Variants in CLCN1 observed in about 807,000 individuals in gnomAD.
The protein encoded by CLCN1 is chloride channel protein 1.
A neutral mutation model predicts 114.5 loss-of-function variants in CLCN1; 100 were observed. That is an observed-to-expected ratio of 0.87 (90% CI 0.74 to 1.03). CLCN1 has a LOEUF of 1.03. Ranked by LOEUF, CLCN1 falls within the 50% of genes least tolerant of loss-of-function variation. The probability of loss-of-function intolerance (pLI) is 0.00; values close to 1 mark genes in which losing one functional copy is unlikely to be tolerated. For synonymous variants in CLCN1, 485 were observed against 487.1 expected (o/e 1.00, Z 0.06); for missense variants, 1,188 against 1,250.0 (o/e 0.95, Z 0.75).
At chr7:143,346,402 A>G (rs1256226566) in intron 18 of CLCN1, 151 bp downstream of exon 18, 29 of 751,794 alleles carry the variant, frequency 3.9e-5, no homozygotes, top group Middle Eastern at 6.9e-4. Flanking sequence ...TTATTCATCA[A>G]TTCTCCTTGT....
chr7:143,342,595 T>A, intron 16 of CLCN1, 90 bp downstream of exon 16: 2 of 1,331,378 alleles, frequency 1.5e-6, no homozygotes, highest in Non-Finnish European at 2.1e-6. Flanking sequence ...GGGGGCTTTG[T>A]CTTTAGGGGC....
chr7:143,343,154 G>A (rs1803134951), intron 16 of CLCN1, among the ~76,000 whole-genome samples: 1 of 152,088 alleles, frequency 6.6e-6, no homozygotes, highest in African/African-American at 2.4e-5. Flanking sequence ...CAGATATTGT[G>A]GATTAATTAA....
At position 143,323,351 on chromosome 7, in the gene CLCN1, A is replaced by G; in HGVS notation, c.739A>G (p.Ser247Gly). Residue 247 changes from serine to glycine, a missense_variant, in exon 6 of 23, where the codon AGC (serine) becomes GGC (glycine). Transcript: ENST00000343257. Reference sequence around the variant, plus strand: ...TGCCAGCATCTGTGCTGCTGTCCTCAGCAAATTCATGTCTGTGTTCTGCGG... The same window carrying G: ...TGCCAGCATCTGTGCTGCTGTCCTCGGCAAATTCATGTCTGTGTTCTGCGG... ...HIASICAAVL[S>G]KFMSVFCGVY... 1 of 1,613,462 alleles carries G rather than the reference A, an allele frequency of 6.2e-7. No homozygotes were observed. Among genetic ancestry groups the G allele is most frequent in the African/African-American group, 1.3e-5 (1 of 74,838 alleles).
rs896506902 is a variant in CLCN1, at chr7:143,320,807, C to A, written c.433+12C>A. 6.8e-6 allele frequency: 11 copies of A among 1,613,824 alleles called. No homozygotes were observed. The African/African-American group carries it at 1.5e-4, about 22-fold the overall frequency. On this transcript the variant is annotated intron_variant, in intron 3 of 22. Transcript: ENST00000343257. ...CAAAAGCCTTCAGGGTAGGTTTAAC[C>A]TGGACCTTTGCCCACAGCCGTTTCT...
intron 1 of CLCN1, 72 bp from the exon 2 acceptor site, chr7:143,319,683 G>A: frequency 6.6e-7 from 1 of 1,509,782 alleles, no homozygotes; most frequent in Admixed American, 1.7e-5. Flanking sequence ...CTGTGAGTCT[G>A]TCTGCTGGCC....
rs781286294 is a variant in CLCN1, at chr7:143,323,293, G to A, written c.697-16G>A. On this transcript the variant is annotated splice_polypyrimidine_tract_variant and intron_variant, in intron 5 of 22. Coordinates refer to ENST00000343257, the MANE Select transcript of CLCN1 (RefSeq NM_000083.3). ...TCTGGCCTCTGACCCCCGCCCCCTC[G>A]CTCCCCCTCTCCCAGGGCCCCTTCG... 1.4e-5 allele frequency: 21 copies of A among 1,550,042 alleles called. No homozygotes were observed. Among genetic ancestry groups the A allele is most frequent in the South Asian group, 3.3e-5 (3 of 89,788 alleles).
In CLCN1 at chr7:143,320,805, A is replaced by C; in HGVS notation, c.433+10A>C. On this transcript the variant is annotated intron_variant, in intron 3 of 22. Coordinates refer to ENST00000343257, the MANE Select transcript of CLCN1 (RefSeq NM_000083.3). The stretch of plus-strand genomic sequence containing the variant: ...GCCAAAAGCCTTCAGGGTAGGTTTA[A>C]CCTGGACCTTTGCCCACAGCCGTTT... 1 of 1,613,860 alleles carries C rather than the reference A, an allele frequency of 6.2e-7. No homozygotes were observed. The highest frequency in any genetic ancestry group is 8.5e-7 in the Non-Finnish European group (1 of 1,179,914).
chr7:143,325,561 A>G lies in CLCN1; in HGVS notation c.853+1069A>G, dbSNP rs549471056. On this transcript the variant is annotated intron_variant, in intron 7 of 22. Transcript: ENST00000343257. Reference sequence around the variant, plus strand: ...AATCACTAATCCTTGTCAGTGGAGGATAGTGTATTTGGATTTTTGCACATG... The same window carrying G: ...AATCACTAATCCTTGTCAGTGGAGGGTAGTGTATTTGGATTTTTGCACATG... Among the ~76,000 whole-genome samples, 30 of 152,306 alleles carry G rather than the reference A, an allele frequency of 2.0e-4. 1 individual carries two copies. In the South Asian group the frequency reaches 6.2e-3, roughly 32 times the overall value.
At position 143,339,554 on chromosome 7, in the gene CLCN1, C is replaced by T. The variant is rs1285977938; in HGVS notation, c.1515C>T (p.Leu505=). The T allele has an allele frequency of 1.9e-6, 3 of 1,614,044 alleles. No individual in the cohort carries two copies. Among genetic ancestry groups the T allele is most frequent in the Non-Finnish European group, 2.5e-6 (3 of 1,179,926 alleles). ...TGGTAGGAGAAATCATGGCCATGCTCTTTCCTGATGGTATTTTGTTTGATG... is the reference window on the plus strand; with the variant it reads ...TGGTAGGAGAAATCATGGCCATGCTTTTTCCTGATGGTATTTTGTTTGATG... The part of the protein sequence containing the change: ...GRLVGEIMAM[L]FPDGILFDDI... The change falls in exon 14 of 23, where the codon CTC becomes CTT. Residue 505 remains leucine, a synonymous_variant. Coordinates refer to ENST00000343257, the MANE Select transcript of CLCN1 (RefSeq NM_000083.3). The surrounding 1 kb of genome is among the most constrained non-coding windows in gnomAD (Gnocchi z 4.1).
intron 14 of CLCN1, among the ~76,000 whole-genome samples, chr7:143,340,435 A>G (rs1002779073): frequency 2.0e-5 from 3 of 152,278 alleles, no homozygotes; most frequent in African/African-American, 7.2e-5. Flanking sequence ...GCAATATCCA[A>G]TAGTGTCATT....
intron 7 of CLCN1, among the ~76,000 whole-genome samples, chr7:143,326,442 C>T (rs1802577767): frequency 6.6e-6 from 1 of 152,076 alleles, no homozygotes; most frequent in African/African-American, 2.4e-5. Flanking sequence ...TGTACCAGGC[C>T]CTGTGTTGGA....
chr7:143,320,551 TTTTCTCTCTC>T, intron 2 of CLCN1, 103 bp from the exon 3 acceptor site: 1 of 864,932 alleles, frequency 1.2e-6, no homozygotes, highest in Non-Finnish European at 1.8e-6. Flanking sequence ...CGTTAGCTGC[TTTTCTCTCTC>T]TCTCTCTCTC....
chr7:143,323,678 C>G lies in CLCN1; in HGVS notation c.774+292C>G, dbSNP rs757703101. ...CTCTCCCTGCTAGTCCATACCACCC[C>G]CTCTGTGTTAGTTTCCCTCCACGTT... On this transcript the variant is annotated intron_variant, in intron 6 of 22. Coordinates refer to ENST00000343257, the MANE Select transcript of CLCN1 (RefSeq NM_000083.3). 1.4e-4 allele frequency: 84 copies of G among 588,510 alleles called. 1 individual carries two copies. Among genetic ancestry groups the G allele is most frequent in the South Asian group, 6.4e-4 (42 of 65,630 alleles). The allele number at this position is 588,510 out of a possible 1,614,324, so 36.5% of individuals were successfully genotyped here.
chr7:143,331,192 A>G (rs765034718), intron 8 of CLCN1, 40 bp from the exon 9 acceptor site: 3 of 1,431,678 alleles, frequency 2.1e-6, no homozygotes, highest in East Asian at 4.6e-5. Flanking sequence ...TTGGGTTTCT[A>G]CGAAGCTCCC....
At chr7:143,329,450 C>A (rs1802664188) in intron 7 of CLCN1, among the ~76,000 whole-genome samples, 1 of 152,154 alleles carries the variant, frequency 6.6e-6, no homozygotes, top group Non-Finnish European at 1.5e-5. Context: ...CACTGGAAAT[C>A]CTCTGCCAAA....
In CLCN1 at chr7:143,351,926, A is replaced by T. The variant is rs1803424165; in HGVS notation, c.2928A>T (p.Arg976=). Residue 976 remains arginine, a synonymous_variant, in exon 23 of 23, where the codon CGA becomes CGT. Transcript: ENST00000343257. The stretch of plus-strand genomic sequence containing the variant: ...ACATCTTGCAGGGCCCCAGCCTGCG[A>T]TCCACAGACGAGGAGGATGAGGATG... ...LADILQGPSL[R]STDEEDEDEL... 1.2e-6 allele frequency: 2 copies of T among 1,613,466 alleles called. No individual in the cohort carries two copies. The highest frequency in any genetic ancestry group is 1.7e-6 in the Non-Finnish European group (2 of 1,180,026).
intron 20 of CLCN1, 131 bp downstream of exon 20, chr7:143,347,080 T>C: frequency 3.6e-6 from 3 of 843,900 alleles, no homozygotes; most frequent in African/African-American, 1.7e-5. Context: ...TTTGAGAGGA[T>C]GGAAATAAGG....
rs1269217831 is a variant in CLCN1 at position 143,345,699 on chromosome 7, C to T, written c.2109C>T (p.Gly703=). ...AGGGGCTCCCCGGCGCGCCTCCAGGCCGGCCCGAGTCCTTCGCCTTTGTGG... is the reference window on the plus strand; with the variant it reads ...AGGGGCTCCCCGGCGCGCCTCCAGGTCGGCCCGAGTCCTTCGCCTTTGTGG... ...AGEGLPGAPP[G]RPESFAFVDE... Residue 703 remains glycine, a synonymous_variant, in exon 17 of 23, where the codon GGC becomes GGT. Transcript: ENST00000343257. The T allele has an allele frequency of 6.4e-7, 1 of 1,560,234 alleles. No individual in the cohort carries two copies. Among genetic ancestry groups the T allele is most frequent in the East Asian group, 2.4e-5 (1 of 41,566 alleles).
At chr7:143,326,390 A>T (rs1802576099) in intron 7 of CLCN1, among the ~76,000 whole-genome samples, 1 of 152,232 alleles carries the variant, frequency 6.6e-6, no homozygotes. Flanking sequence ...AATAAATGGA[A>T]TTCAGCATTC....
Sources: gnomAD v4.1 joint callset for allele counts (sites outside exome capture counted in the v4.1 genomes callset) on GRCh38, gnomAD v4.1.1 for gene constraint, Gnocchi (gnomAD v3.1) non-coding constraint, MANE v1.5 for transcripts, NCBI Gene and HGNC (gene_info 2026-07-23, HGNC 2026-07-21) for gene names.